TCF7L2: variants seen among roughly 807,000 people sequenced by gnomAD.
The protein encoded by TCF7L2 is transcription factor 7-like 2.
TCF7L2 carries 23 observed loss-of-function variants against 77.9 expected under a neutral mutation model. The ratio of observed to expected loss-of-function variants is 0.30; its 90% CI spans 0.21 to 0.42. The LOEUF (loss-of-function observed/expected upper bound fraction) is 0.42. TCF7L2 is among the 10% of genes least tolerant of loss of function. The pLI is 1.00. For missense variants in TCF7L2, 654 were observed against 793.1 expected, an observed-to-expected ratio of 0.82 and a Z score of 2.11; for synonymous variants, 413 against 340.2, an observed-to-expected ratio of 1.21 and a Z score of -2.36.
intron 5 of TCF7L2, among the ~76,000 whole-genome samples, chr10:113,073,129 T>TGTGTGTGTGTGTGTGTGTGTGA (rs56927661): frequency 3.2e-5 from 4 of 123,582 alleles, no homozygotes; most frequent in Non-Finnish European, 5.0e-5. Flanking sequence ...TGTGTGTGTG[T>TGTGTGTGTGTGTGTGTGTGTGA]GAGAGAGAGA....
chr10:113,034,317 T>C (rs1039244030), intron 4 of TCF7L2, among the ~76,000 whole-genome samples: 23 of 152,210 alleles, frequency 1.5e-4, no homozygotes, highest in Non-Finnish European at 1.9e-4. Flanking sequence ...TGTAATGATA[T>C]GAGAATCATA....
chr10:113,075,923 G>C (rs1367435195), intron 5 of TCF7L2, among the ~76,000 whole-genome samples: 1 of 151,992 alleles, frequency 6.6e-6, no homozygotes, highest in East Asian at 1.9e-4. Context: ...ATCACCTGAG[G>C]TCAGGAGTTC....
chr10:112,951,126 C>A, intron 1 of TCF7L2, 81 bp from the exon 2 acceptor site: 1 of 1,311,132 alleles, frequency 7.6e-7, no homozygotes, highest in Non-Finnish European at 1.0e-6. Flanking sequence ...CCCTCGACCT[C>A]GCCGATTCTT....
intron 5 of TCF7L2, among the ~76,000 whole-genome samples, chr10:113,114,505 A>C (rs1055806979): frequency 6.6e-6 from 1 of 152,186 alleles, no homozygotes; most frequent in Admixed American, 6.5e-5. Flanking sequence ...GGGCATTAGC[A>C]GGTCTGTATT....
chr10:113,119,140 A>G (rs908192873), intron 5 of TCF7L2, among the ~76,000 whole-genome samples: 6 of 152,244 alleles, frequency 3.9e-5, no homozygotes, highest in African/African-American at 1.4e-4. Context: ...CAGAGACCGC[A>G]TAATGGGACC....
intron 5 of TCF7L2, among the ~76,000 whole-genome samples, chr10:113,076,228 C>T (rs113268243): frequency 1.1e-3 from 174 of 152,046 alleles, no homozygotes; most frequent in African/African-American, 3.8e-3. Flanking sequence ...ACCTTTAGCT[C>T]CTGGACTCAA....
chr10:112,966,932 A>G (rs922047603), intron 4 of TCF7L2, among the ~76,000 whole-genome samples: 2 of 152,218 alleles, frequency 1.3e-5, no homozygotes, highest in African/African-American at 4.8e-5. Flanking sequence ...ATTTTATTAG[A>G]GACCCAGCAC....
chr10:113,092,853 A>G (rs2060540451), intron 5 of TCF7L2, among the ~76,000 whole-genome samples: 2 of 152,130 alleles, frequency 1.3e-5, no homozygotes, highest in Non-Finnish European at 2.9e-5. Context: ...AACAGAGCCA[A>G]GACTCCCTCG....
Position 113,095,710 on chromosome 10 carries a change from G to A in TCF7L2, c.553-45474G>A, listed in dbSNP as rs183300470. ...ACTGCAAAGAGATGTCATTGTAAAC[G>A]CTATCCTTTTCATTTTGTATACTAA... is the stretch of plus-strand genomic sequence containing the variant. On this transcript the variant is annotated intron_variant, in intron 5 of 13. Transcript: ENST00000627217. 8.2e-4 allele frequency among the ~76,000 whole-genome samples: 125 copies of A among 152,218 alleles called. 1 individual carries two copies. The highest frequency in any genetic ancestry group is 2.7e-3 in the African/African-American group (112 of 41,522).
Position 113,166,578 on chromosome 10 carries a change from G to A in TCF7L2, c.*606G>A, listed in dbSNP as rs961261746. 4.4e-6 allele frequency: 1 copy of A among 228,394 alleles called. No individual in the cohort carries two copies. Among genetic ancestry groups the A allele is most frequent in the Non-Finnish European group, 8.7e-6 (1 of 115,112 alleles). The allele number at this position is 228,394 out of a possible 1,614,324, so 14.1% of individuals were successfully genotyped here. A position where few individuals can be genotyped will look rare whatever the true frequency, so the allele number is the denominator to read the frequency against. ...TTCCATGGTGTTGTTCTTTTGGGGG[G>A]AGGGGACGCTACTCAACACTTAATA... On this transcript the variant is annotated 3_prime_UTR_variant, in exon 14 of 14. Coordinates refer to ENST00000627217, the MANE Select transcript of TCF7L2 (RefSeq NM_001146274.2).
chr10:113,129,337 C>T (rs1242048930), intron 5 of TCF7L2: 1 of 987,026 alleles, frequency 1.0e-6, no homozygotes, highest in South Asian at 4.7e-5. Context: ...AATTTCTTTG[C>T]TACTCTTAGC....
intron 5 of TCF7L2, among the ~76,000 whole-genome samples, chr10:113,112,804 T>C (rs1043450256): frequency 2.6e-5 from 4 of 152,182 alleles, no homozygotes; most frequent in African/African-American, 9.7e-5. Flanking sequence ...GCAAGCAATA[T>C]TGTGTTTTAA....
chr10:113,112,198 A>T (rs1057147492), intron 5 of TCF7L2, among the ~76,000 whole-genome samples: 1 of 152,226 alleles, frequency 6.6e-6, no homozygotes, highest in African/African-American at 2.4e-5. Context: ...GCATGACATA[A>T]TTCAATTTTA....
rs1054428642 is a variant in TCF7L2 at position 113,166,347 on chromosome 10, G to C, written c.*375G>C. 4.3e-6 allele frequency: 1 copy of C among 234,084 alleles called. No individual in the cohort carries two copies. The allele number at this position is 234,084 out of a possible 1,614,324, so 14.5% of individuals were successfully genotyped here. The stretch of plus-strand genomic sequence containing the variant: ...AAAGCAATTTTGAAGCAGCCCTCCA[G>C]AAGGAGTTGGTTCTGTATTATTTGT... On this transcript the variant is annotated 3_prime_UTR_variant, in exon 14 of 14. Transcript: ENST00000627217.
intron 12 of TCF7L2, 120 bp downstream of exon 14, chr10:113,160,112 T>TC: frequency 2.3e-6 from 2 of 858,916 alleles, no homozygotes; most frequent in Non-Finnish European, 3.7e-6. Flanking sequence ...CACAGGGGAG[T>TC]GGGACACTGC....
intron 13 of TCF7L2, among the ~76,000 whole-genome samples, chr10:113,163,884 G>A (rs1369490174): frequency 6.6e-6 from 1 of 152,136 alleles, no homozygotes; most frequent in East Asian, 1.9e-4. Context: ...AAGCACAGAG[G>A]GGCATGATCA....
chr10:113,077,900 T>G (rs1319578381), intron 5 of TCF7L2, among the ~76,000 whole-genome samples: 11 of 133,000 alleles, frequency 8.3e-5, no homozygotes, highest in Admixed American at 2.4e-4. Context: ...TTTATTTATT[T>G]ATTTATTGTA....
chr10:113,035,158 T>C (rs2050954071), intron 4 of TCF7L2, among the ~76,000 whole-genome samples: 1 of 152,204 alleles, frequency 6.6e-6, no homozygotes, highest in Non-Finnish European at 1.5e-5. Context: ...GGTTAGACCT[T>C]GTGATGGGGG....
At chr10:113,114,614 T>C (rs290474) in intron 5 of TCF7L2, among the ~76,000 whole-genome samples, 84,627 of 152,038 alleles carry the variant, frequency 0.56, 23,908 homozygotes, top group East Asian at 0.85. Flanking sequence ...GTGAGTTAAC[T>C]GACTCATTGA....
Sources: gnomAD v4.1 joint callset for allele counts (sites outside exome capture counted in the v4.1 genomes callset) on GRCh38, gnomAD v4.1.1 for gene constraint, MANE v1.5 for transcripts, NCBI Gene and HGNC (gene_info 2026-07-23, HGNC 2026-07-21) for gene names.